The following CTNNBL1 variants were observed in gnomAD, a reference collection of about 807,000 sequenced individuals.
CTNNBL1 encodes the protein beta-catenin-like protein 1.
Under a neutral mutation model 72.7 loss-of-function variants are expected in CTNNBL1, and 31 were observed. That is an observed-to-expected ratio of 0.43 (90% CI 0.32 to 0.58). The LOEUF (loss-of-function observed/expected upper bound fraction) is 0.58. CTNNBL1 is among the 20% of genes least tolerant of loss of function. CTNNBL1 has a pLI of 0.08. For missense variants in CTNNBL1, 534 were observed against 725.1 expected (o/e 0.74, Z 3.03); for synonymous variants, 240 against 267.3 (o/e 0.90, Z 1.00).
At chr20:37,821,908 T>G (rs1642355678) in intron 11 of CTNNBL1, among the ~76,000 whole-genome samples, 1 of 151,956 alleles carries the variant, frequency 6.6e-6, no homozygotes, top group African/African-American at 2.4e-5. Context: ...TTGCAGAATA[T>G]CTCAAACAGT....
intron 11 of CTNNBL1, among the ~76,000 whole-genome samples, chr20:37,804,092 A>G (rs2071930917): frequency 6.6e-6 from 1 of 152,148 alleles, no homozygotes; most frequent in African/African-American, 2.4e-5. Context: ...GACAACAGGA[A>G]ATCTGGCTGG....
chr20:37,849,185 G>A (rs748814382), intron 13 of CTNNBL1, among the ~76,000 whole-genome samples: 8 of 152,078 alleles, frequency 5.3e-5, no homozygotes, highest in East Asian at 1.9e-4. Flanking sequence ...TGCAGCACCC[G>A]CCTAACTAAC....
intron 15 of CTNNBL1, among the ~76,000 whole-genome samples, chr20:37,861,300 G>C (rs2072489476): frequency 6.6e-6 from 1 of 152,210 alleles, no homozygotes; most frequent in Non-Finnish European, 1.5e-5. Context: ...CAGCTGGAGA[G>C]GCCTCCAGTC....
chr20:37,756,679 C>T (rs1173910804), intron 4 of CTNNBL1, among the ~76,000 whole-genome samples: 1 of 144,282 alleles, frequency 6.9e-6, no homozygotes, highest in Non-Finnish European at 1.5e-5. Flanking sequence ...ACTCTGTTTC[C>T]CAGGCTGGAG....
chr20:37,718,633 G>T (rs1030598450), intron 1 of CTNNBL1, among the ~76,000 whole-genome samples: 4 of 152,072 alleles, frequency 2.6e-5, no homozygotes, highest in African/African-American at 9.7e-5. Flanking sequence ...CTGGCCAGGC[G>T]GGGGGCTGAC....
intron 10 of CTNNBL1, among the ~76,000 whole-genome samples, chr20:37,779,895 T>C (rs2073611182): frequency 6.6e-6 from 1 of 152,140 alleles, no homozygotes; most frequent in Non-Finnish European, 1.5e-5. Flanking sequence ...TTCCTGAAAG[T>C]GGATCTTATA....
intron 3 of CTNNBL1, 105 bp downstream of exon 3, chr20:37,737,589 C>T (rs2073182059): frequency 1.5e-6 from 1 of 669,630 alleles, no homozygotes; most frequent in South Asian, 1.9e-5. Flanking sequence ...GGCCAGGAAT[C>T]CCAGGATGAC....
rs566910785 is a variant in CTNNBL1, at chr20:37,842,056, G to A, written c.1312-283G>A. Among the ~76,000 whole-genome samples, 6 of 152,298 alleles carry A rather than the reference G, an allele frequency of 3.9e-5. No homozygotes were observed. In the South Asian group the frequency reaches 6.2e-4, roughly 16 times the overall value. On this transcript the variant is annotated intron_variant, in intron 12 of 15. Transcript: ENST00000361383. ...TATCTATTTATTTGTTTTTAACAAC[G>A]TGCATTCCTGGGAGTTCTAGAAGGG...
intron 4 of CTNNBL1, among the ~76,000 whole-genome samples, chr20:37,748,971 G>A (rs540989601): frequency 6.6e-6 from 1 of 152,328 alleles, no homozygotes; most frequent in South Asian, 2.1e-4. Context: ...AGTTCTGGTT[G>A]TTACTTCACA....
chr20:37,762,013 G>A (rs1460597669), intron 5 of CTNNBL1, among the ~76,000 whole-genome samples: 1 of 152,194 alleles, frequency 6.6e-6, no homozygotes, highest in African/African-American at 2.4e-5. Context: ...GAGGTTGGGT[G>A]GCATTGCCAG....
intron 10 of CTNNBL1, among the ~76,000 whole-genome samples, chr20:37,789,204 G>A (rs895464855): frequency 6.6e-6 from 1 of 152,196 alleles, no homozygotes; most frequent in Non-Finnish European, 1.5e-5. Context: ...AACCTCTCAA[G>A]CAGTGGACAA....
chr20:37,741,760 A>G lies in CTNNBL1; in HGVS notation c.326+4276A>G, dbSNP rs558978021. Among the ~76,000 whole-genome samples, 10 of 152,352 alleles carry G rather than the reference A, an allele frequency of 6.6e-5. No homozygotes were observed. The South Asian group carries it at 2.1e-3, about 32-fold the overall frequency. ...ATGACCCAGGTCAGTCTCATTCCCA[A>G]GTCCAGCATTTCTCACGGTATCTTG... On this transcript the variant is annotated intron_variant, in intron 3 of 15. Transcript: ENST00000361383.
intron 4 of CTNNBL1, chr20:37,751,623 A>G (rs1264715232): frequency 1.3e-5 from 2 of 152,230 alleles, no homozygotes; most frequent in Non-Finnish European, 2.9e-5. Context: ...TGAGAATACT[A>G]AAGTGGAACA....
intron 1 of CTNNBL1, among the ~76,000 whole-genome samples, chr20:37,716,750 T>C (rs2072989908): frequency 6.6e-6 from 1 of 152,220 alleles, no homozygotes; most frequent in South Asian, 2.1e-4. Flanking sequence ...AAGTATGTTA[T>C]ATAATCTTGC....
At chr20:37,737,783 C>T (rs1325339893) in intron 3 of CTNNBL1, among the ~76,000 whole-genome samples, 2 of 152,210 alleles carry the variant, frequency 1.3e-5, no homozygotes, top group Non-Finnish European at 2.9e-5. Context: ...TGGGATTATA[C>T]AAACATGCTT....
rs1186223811 is a variant in CTNNBL1 at position 37,861,906 on chromosome 20, G to A, written c.1603+1562G>A. ...AAATCCTGTGGGAAGCCTTGTGAGA[G>A]AGGTGGCATTGAGCTGGTCTGAGAG... On this transcript the variant is annotated intron_variant, in intron 15 of 15. Coordinates refer to ENST00000361383, the MANE Select transcript of CTNNBL1 (RefSeq NM_030877.5). Among the ~76,000 whole-genome samples the A allele has an allele frequency of 2.6e-5, 4 of 152,222 alleles. No individual in the cohort carries two copies. The South Asian group carries it at 8.3e-4, about 32-fold the overall frequency.
intron 1 of CTNNBL1, among the ~76,000 whole-genome samples, chr20:37,701,883 T>A (rs927615736): frequency 6.8e-6 from 1 of 147,488 alleles, no homozygotes; most frequent in Non-Finnish European, 1.5e-5. Flanking sequence ...TGTGGCGTAA[T>A]ACATCGTACG....
rs147455823 is a variant in CTNNBL1 at position 37,832,082 on chromosome 20, A to G, written c.1214-8020A>G. Reference sequence around the variant, plus strand: ...CCAGAATCTTGTATTATTTGGCTTTATAGCCAGCGACACACAAGCACTTTA... The same window carrying G: ...CCAGAATCTTGTATTATTTGGCTTTGTAGCCAGCGACACACAAGCACTTTA... On this transcript the variant is annotated intron_variant, in intron 11 of 15. Coordinates refer to ENST00000361383, the MANE Select transcript of CTNNBL1 (RefSeq NM_030877.5). 4.0e-3 allele frequency among the ~76,000 whole-genome samples: 612 copies of G among 152,360 alleles called. 4 individuals are homozygous for G. The highest frequency in any genetic ancestry group is 0.014 in the African/African-American group (577 of 41,582).
intron 13 of CTNNBL1, among the ~76,000 whole-genome samples, chr20:37,849,921 A>G (rs899721294): frequency 1.3e-5 from 2 of 152,256 alleles, no homozygotes; most frequent in Non-Finnish European, 2.9e-5. Flanking sequence ...GATTAAGTAA[A>G]TGCAGTATAT....
Sources: allele counts gnomAD v4.1 joint callset (sites outside exome capture counted in the v4.1 genomes callset), GRCh38; gene constraint gnomAD v4.1.1; transcripts MANE v1.5; gene names NCBI Gene and HGNC (gene_info 2026-07-23, HGNC 2026-07-21).